The following ATP8A2 variants were observed in gnomAD, a reference collection of about 807,000 sequenced individuals.
ATP8A2 encodes ATPase phospholipid transporting 8A2.
ATP8A2 carries 100 observed loss-of-function variants against 165.6 expected under a neutral mutation model. The observed-to-expected ratio is 0.60, with a 90% confidence interval of 0.51 to 0.71. The LOEUF (loss-of-function observed/expected upper bound fraction) is 0.71, where lower values mean the gene tolerates loss of function less well. ATP8A2 is among the 30% of genes least tolerant of loss of function. The pLI is 0.00. For missense variants in ATP8A2, 1,227 were observed against 1,479.5 expected, an observed-to-expected ratio of 0.83 and a Z score of 2.80; for synonymous variants, 543 against 548.8, an observed-to-expected ratio of 0.99 and a Z score of 0.15.
At chr13:25,720,822 C>A (rs893037055) in intron 25 of ATP8A2, among the ~76,000 whole-genome samples, 1 of 152,204 alleles carries the variant, frequency 6.6e-6, no homozygotes, top group African/African-American at 2.4e-5. Flanking sequence ...CTGCTAAGAA[C>A]TTCATGCAAC....
intron 1 of ATP8A2, among the ~76,000 whole-genome samples, chr13:25,412,976 C>T (rs112356492): frequency 6.6e-6 from 1 of 152,238 alleles, no homozygotes. Context: ...TGCCACCACA[C>T]CTGGTTAATT....
At position 25,876,957 on chromosome 13, in the gene ATP8A2, G is replaced by A. The variant is rs191449218; in HGVS notation, c.3183+14549G>A. Among the ~76,000 whole-genome samples, 12 of 151,576 alleles carry A rather than the reference G, an allele frequency of 7.9e-5. 1 individual carries two copies. Among genetic ancestry groups the A allele is most frequent in the South Asian group, 2.1e-4 (1 of 4,798 alleles). On this transcript the variant is annotated intron_variant, in intron 33 of 36. Transcript: ENST00000381655. ...AGCTCATTATTGCTGAAATTGTTTC[G>A]AACAGGAAATATAAAATCAAGAAGC...
At chr13:25,444,644 T>G (rs559744016) in intron 1 of ATP8A2, among the ~76,000 whole-genome samples, 5 of 152,004 alleles carry the variant, frequency 3.3e-5, no homozygotes, top group South Asian at 2.1e-4. Flanking sequence ...TGTTTTTTTT[T>G]TTTGTTTTGT....
At chr13:25,583,811 G>C (rs966886431) in intron 23 of ATP8A2, among the ~76,000 whole-genome samples, 1 of 150,958 alleles carries the variant, frequency 6.6e-6, no homozygotes, top group Non-Finnish European at 1.5e-5. Context: ...TAAAAATAAC[G>C]ATTGTATTAT....
intron 30 of ATP8A2, among the ~76,000 whole-genome samples, chr13:25,858,453 G>A (rs1178941396): frequency 3.9e-5 from 6 of 152,096 alleles, no homozygotes; most frequent in Admixed American, 1.3e-4. Flanking sequence ...CGGGGCCTCC[G>A]TTTAGTGCAG....
intron 1 of ATP8A2, among the ~76,000 whole-genome samples, chr13:25,429,382 A>AG (rs1215340412): frequency 6.7e-6 from 1 of 149,076 alleles, no homozygotes; most frequent in African/African-American, 2.5e-5. Context: ...AAAAAAAAAA[A>AG]AAAAAAAAAA....
intron 27 of ATP8A2, among the ~76,000 whole-genome samples, chr13:25,797,220 A>G (rs1030968936): frequency 6.6e-6 from 1 of 152,190 alleles, no homozygotes; most frequent in African/African-American, 2.4e-5. Context: ...GTGAGCCAAG[A>G]TCGCACCATT....
intron 33 of ATP8A2, among the ~76,000 whole-genome samples, chr13:25,898,726 A>G (rs957891672): frequency 1.5e-4 from 23 of 152,164 alleles, no homozygotes; most frequent in African/African-American, 5.3e-4. Flanking sequence ...AGCCTGAGCA[A>G]TGGTGGGCGC....
intron 14 of ATP8A2, 50 bp from the exon 15 acceptor site, chr13:25,559,669 CTG>C: frequency 7.3e-7 from 1 of 1,375,454 alleles, no homozygotes; most frequent in Non-Finnish European, 1.0e-6. Context: ...ATCAGAATGT[CTG>C]TCTTTTGATC....
chr13:25,496,423 T>C (rs1219161269), intron 2 of ATP8A2, among the ~76,000 whole-genome samples: 2 of 152,136 alleles, frequency 1.3e-5, no homozygotes, highest in African/African-American at 2.4e-5. Flanking sequence ...ATACTTTTTT[T>C]CTTTTCACAT....
chr13:25,931,681 G>C (rs992532257), intron 33 of ATP8A2, among the ~76,000 whole-genome samples: 1 of 152,164 alleles, frequency 6.6e-6, no homozygotes, highest in African/African-American at 2.4e-5. Flanking sequence ...CTTGAGCTGG[G>C]GGAAGAATCT....
At chr13:25,560,387 T>C (rs2039106299) in intron 15 of ATP8A2, among the ~76,000 whole-genome samples, 1 of 151,988 alleles carries the variant, frequency 6.6e-6, no homozygotes, top group East Asian at 1.9e-4. Context: ...CAAAATAATG[T>C]TTATATTAGT....
chr13:25,501,414 G>A (rs970329283), intron 2 of ATP8A2, among the ~76,000 whole-genome samples: 1 of 152,210 alleles, frequency 6.6e-6, no homozygotes, highest in African/African-American at 2.4e-5. Context: ...TGGTTGTCTG[G>A]CATCTGGCTC....
At position 25,469,507 on chromosome 13, in the gene ATP8A2, T is replaced by C. The variant is rs188610829; in HGVS notation, c.221+386T>C. On this transcript the variant is annotated intron_variant, in intron 2 of 36. Coordinates refer to ENST00000381655, the MANE Select transcript of ATP8A2 (RefSeq NM_016529.6). ...CTTTAGCAATTTTTAGACCATACTA[T>C]GGGGGACGTGCTTCATAAGGGAATC... is the stretch of plus-strand genomic sequence containing the variant. Among the ~76,000 whole-genome samples the C allele has an allele frequency of 2.9e-4, 44 of 152,258 alleles. No individual in the cohort carries two copies. The East Asian group carries it at 6.2e-3, about 21-fold the overall frequency.
intron 18 of ATP8A2, among the ~76,000 whole-genome samples, 157 bp from the exon 19 acceptor site, chr13:25,574,651 C>T (rs546880790): frequency 6.6e-6 from 1 of 152,166 alleles, no homozygotes; most frequent in East Asian, 1.9e-4. Context: ...GAGCTCTGAC[C>T]CCACCAGACT....
chr13:25,726,234 G>GT (rs2043490543), intron 25 of ATP8A2, among the ~76,000 whole-genome samples: 1 of 152,202 alleles, frequency 6.6e-6, no homozygotes, highest in African/African-American at 2.4e-5. Context: ...TGAGAAGGTA[G>GT]TAAAGTGTGG....
chr13:25,411,998 G>A (rs557078484), intron 1 of ATP8A2, among the ~76,000 whole-genome samples: 17 of 152,198 alleles, frequency 1.1e-4, no homozygotes, highest in Middle Eastern at 6.8e-3. Flanking sequence ...CTCTTCCTGC[G>A]TCAGACCTGT....
At chr13:25,828,061 A>T in intron 27 of ATP8A2, 57 bp from the exon 28 acceptor site, 1 of 1,399,606 alleles carries the variant, frequency 7.1e-7, no homozygotes. Context: ...TCTTCAGTGA[A>T]TGGAAACATT....
In ATP8A2 at chr13:25,431,652, T is replaced by C. The variant is rs116053027; in HGVS notation, c.77-37325T>C. Among the ~76,000 whole-genome samples, 1,251 of 152,334 alleles carry C rather than the reference T, an allele frequency of 8.2e-3. 20 individuals carry two copies. The highest frequency in any genetic ancestry group is 0.028 in the African/African-American group (1,155 of 41,586). The stretch of plus-strand genomic sequence containing the variant: ...ATTTTTTAATGTGAAAAAATTAATA[T>C]GAGTTGCTTCTCTGTAAAGTGTGGG... On this transcript the variant is annotated intron_variant, in intron 1 of 36. Coordinates refer to ENST00000381655, the MANE Select transcript of ATP8A2 (RefSeq NM_016529.6).
Sources: allele counts gnomAD v4.1 joint callset (sites outside exome capture counted in the v4.1 genomes callset), GRCh38; gene constraint gnomAD v4.1.1; transcripts MANE v1.5; gene names NCBI Gene and HGNC (gene_info 2026-07-23, HGNC 2026-07-21).